The following LRRC37A2 variants were observed in gnomAD, a reference collection of about 807,000 sequenced individuals.
LRRC37A2 encodes the protein leucine-rich repeat-containing protein 37A2.
A neutral mutation model predicts 68.8 loss-of-function variants in LRRC37A2; 9 were observed. The ratio of observed to expected loss-of-function variants is 0.13; its 90% CI spans 0.08 to 0.23. The LOEUF is 0.23. Ranked by LOEUF, LRRC37A2 falls within the 10% of genes least tolerant of loss-of-function variation. The probability of loss-of-function intolerance (pLI) is 1.00; values close to 1 mark genes in which losing one functional copy is unlikely to be tolerated. For synonymous variants in LRRC37A2, 63 were observed against 367.6 expected, an observed-to-expected ratio of 0.17 and a Z score of 9.48; for missense variants, 168 against 950.4, an observed-to-expected ratio of 0.18 and a Z score of 10.82.
chr17:46,969,172 T>C, the LRRC37A2 span, among the ~76,000 whole-genome samples: 1 of 152,194 alleles, frequency 6.6e-6, no homozygotes, highest in Non-Finnish European at 1.5e-5. Flanking sequence ...TCCAGATACT[T>C]CTCTCCATCC....
chr17:46,904,334 G>A, the LRRC37A2 span, among the ~76,000 whole-genome samples: 3 of 150,422 alleles, frequency 2.0e-5, no homozygotes, highest in Middle Eastern at 3.5e-3. Context: ...GTGGATGGAT[G>A]GGGTGGATGG....
chr17:46,866,517 G>A, the LRRC37A2 span, among the ~76,000 whole-genome samples: 1 of 151,712 alleles, frequency 6.6e-6, no homozygotes, highest in Non-Finnish European at 1.5e-5. Flanking sequence ...GGCCAGGAGA[G>A]GTAGACTGAG....
chr17:46,377,567 G>A, the LRRC37A2 span, among the ~76,000 whole-genome samples: 87 of 43,444 alleles, frequency 2.0e-3, 11 homozygotes, highest in African/African-American at 3.7e-3. Context: ...TCCTATCACT[G>A]GATCTTTTTT....
the LRRC37A2 span, among the ~76,000 whole-genome samples, chr17:46,748,794 G>A: frequency 1.0e-3 from 159 of 152,284 alleles, 1 homozygote; most frequent in African/African-American, 3.6e-3. Flanking sequence ...ACAAACTTGT[G>A]ATAAGTACCT....
At chr17:46,867,853 G>A in the LRRC37A2 span, among the ~76,000 whole-genome samples, 1 of 152,102 alleles carries the variant, frequency 6.6e-6, no homozygotes, top group Non-Finnish European at 1.5e-5. Flanking sequence ...CAAGTGGTTG[G>A]GGGTGTCCTG....
the LRRC37A2 span, chr17:46,876,131 T>C: frequency 9.9e-7 from 1 of 1,009,122 alleles, no homozygotes; most frequent in Non-Finnish European, 1.4e-6. Flanking sequence ...GCTGAGACCC[T>C]GGGTCTCTTT....
chr17:46,730,582 G>A, the LRRC37A2 span, among the ~76,000 whole-genome samples: 2 of 152,070 alleles, frequency 1.3e-5, no homozygotes, highest in East Asian at 3.8e-4. Flanking sequence ...TTTGAGGGAA[G>A]GAACATTATC....
chr17:46,817,139 C>A, the LRRC37A2 span, among the ~76,000 whole-genome samples: 1 of 152,168 alleles, frequency 6.6e-6, no homozygotes, highest in East Asian at 1.9e-4. Context: ...TCCCAGGAGC[C>A]CCAAACACCC....
the LRRC37A2 span, among the ~76,000 whole-genome samples, chr17:46,771,211 GGTCCCGCCCGCGCCCCGCGCCTGCGCT>G: frequency 6.6e-6 from 1 of 152,220 alleles, no homozygotes; most frequent in Non-Finnish European, 1.5e-5. Flanking sequence ...GTGCAGAGCT[GGTCCCGCCCGCGCCCCGCGCCTGCGCT>G]GCCAGGGCCG....
At chr17:46,825,609 C>G in the LRRC37A2 span, among the ~76,000 whole-genome samples, 3 of 152,262 alleles carry the variant, frequency 2.0e-5, no homozygotes, top group African/African-American at 7.2e-5. Flanking sequence ...CTGTGTGCAG[C>G]TGCCCCTTGG....
intron 11 of LRRC37A2, chr17:46,552,825 A>C (rs1253986864): frequency 2.1e-5 from 3 of 140,950 alleles, no homozygotes; most frequent in African/African-American, 9.2e-5. Flanking sequence ...ATGGTGGCTC[A>C]CACTTGTAAT....
chr17:46,558,552 A>C (rs1345899969), downstream of LRRC37A2, among the ~76,000 whole-genome samples: 2 of 70,806 alleles, frequency 2.8e-5, no homozygotes, highest in African/African-American at 5.0e-5. Context: ...ATGCCCGGCC[A>C]ATTTTTTTTT....
At chr17:46,971,187 A>G in the LRRC37A2 span, among the ~76,000 whole-genome samples, 73 of 152,198 alleles carry the variant, frequency 4.8e-4, no homozygotes, top group African/African-American at 1.7e-3. Context: ...ACATATAAAA[A>G]TGAGCCAGGC....
chr17:46,963,625 A>T, the LRRC37A2 span: 1 of 152,022 alleles, frequency 6.6e-6, no homozygotes, highest in Non-Finnish European at 1.5e-5. Flanking sequence ...AGCACTAATC[A>T]TCCTCAGTGT....
the LRRC37A2 span, among the ~76,000 whole-genome samples, chr17:46,797,462 C>A: frequency 1.3e-5 from 2 of 152,172 alleles, no homozygotes; most frequent in Non-Finnish European, 2.9e-5. Context: ...ACGGTGAAGG[C>A]CCAAGGCAGT....
the LRRC37A2 span, among the ~76,000 whole-genome samples, chr17:46,467,866 G>A: frequency 9.9e-6 from 1 of 101,128 alleles, no homozygotes; most frequent in Non-Finnish European, 2.2e-5. Flanking sequence ...CGTCAGCTCT[G>A]TTTCTATGGA....
At chr17:46,786,552 G>A in the LRRC37A2 span, among the ~76,000 whole-genome samples, 1 of 152,242 alleles carries the variant, frequency 6.6e-6, no homozygotes, top group Non-Finnish European at 1.5e-5. Context: ...TGACCACAGA[G>A]GGGAGCAGCT....
At chr17:46,500,653 A>G in the LRRC37A2 span, among the ~76,000 whole-genome samples, 1 of 151,024 alleles carries the variant, frequency 6.6e-6, no homozygotes, top group Non-Finnish European at 1.5e-5. Context: ...CTGAAATGTG[A>G]TAATAGCAAA....
At chr17:46,890,822 C>T in the LRRC37A2 span, among the ~76,000 whole-genome samples, 413 of 152,212 alleles carry the variant, frequency 2.7e-3, 1 homozygote, top group African/African-American at 9.2e-3. Context: ...GAGGCACGGG[C>T]GGGGGTTGGA....
Sources: gnomAD v4.1 joint callset for allele counts (sites outside exome capture counted in the v4.1 genomes callset) on GRCh38, gnomAD v4.1.1 for gene constraint, MANE v1.5 for transcripts, NCBI Gene and HGNC (gene_info 2026-07-23, HGNC 2026-07-21) for gene names.